Variants in NDST4 observed in about 807,000 individuals in gnomAD.
The protein encoded by NDST4 is N-deacetylase and N-sulfotransferase 4.
In NDST4, 63 loss-of-function variants were observed where a neutral mutation model predicts 100.8. The observed-to-expected ratio is 0.62, with a 90% CI of 0.51 to 0.77. The LOEUF (loss-of-function observed/expected upper bound fraction) is 0.77. NDST4 is among the 30% of genes least tolerant of loss of function. The pLI is 0.00. For synonymous variants in NDST4, 377 were observed against 361.8 expected (o/e 1.04, Z -0.48); for missense variants, 943 against 1,018.4 (o/e 0.93, Z 1.01).
intron 7 of NDST4, among the ~76,000 whole-genome samples, chr4:114,864,928 GTCTA>G (rs1481351805): frequency 6.6e-6 from 1 of 152,106 alleles, no homozygotes. Context: ...TACCCTAAAT[GTCTA>G]TCTATTCTTC....
At chr4:115,021,310 T>C (rs1727811725) in intron 2 of NDST4, among the ~76,000 whole-genome samples, 1 of 151,422 alleles carries the variant, frequency 6.6e-6, no homozygotes, top group Non-Finnish European at 1.5e-5. Flanking sequence ...ATATATATAT[T>C]CCACATATAC....
At chr4:114,943,037 A>T (rs940944820) in intron 4 of NDST4, among the ~76,000 whole-genome samples, 13 of 147,320 alleles carry the variant, frequency 8.8e-5, no homozygotes, top group African/African-American at 2.7e-4. Context: ...AATTTAAATT[A>T]TATTATATGA....
At chr4:114,992,784 G>A (rs1341983461) in intron 2 of NDST4, among the ~76,000 whole-genome samples, 1 of 151,586 alleles carries the variant, frequency 6.6e-6, no homozygotes, top group Admixed American at 6.6e-5. Flanking sequence ...ATTTAGAAAG[G>A]GGTGTTGCTT....
intron 2 of NDST4, among the ~76,000 whole-genome samples, chr4:115,009,224 C>A (rs1727488332): frequency 7.8e-6 from 1 of 128,856 alleles, no homozygotes; most frequent in African/African-American, 2.9e-5. Context: ...TCCGCATCAC[C>A]AAGTCAATCC....
At chr4:114,834,227 G>A (rs1723262363) in intron 11 of NDST4, among the ~76,000 whole-genome samples, 1 of 151,934 alleles carries the variant, frequency 6.6e-6, no homozygotes, top group Admixed American at 6.6e-5. Flanking sequence ...AGGAATACTG[G>A]AAAAGGCCGG....
At chr4:115,038,249 T>A (rs930957451) in intron 2 of NDST4, among the ~76,000 whole-genome samples, 10 of 152,228 alleles carry the variant, frequency 6.6e-5, no homozygotes, top group Non-Finnish European at 1.3e-4. Context: ...TGTTTATTAC[T>A]TTGCTATCCT....
chr4:115,029,867 G>C (rs767473763), intron 2 of NDST4, among the ~76,000 whole-genome samples: 3 of 152,090 alleles, frequency 2.0e-5, no homozygotes, highest in African/African-American at 7.2e-5. Flanking sequence ...TTTGCAGAAA[G>C]GTTGACTGTG....
chr4:115,032,055 T>C (rs999424344), intron 2 of NDST4, among the ~76,000 whole-genome samples: 1 of 152,096 alleles, frequency 6.6e-6, no homozygotes, highest in Non-Finnish European at 1.5e-5. Context: ...GTTCTATCTA[T>C]CATAAAATTA....
In NDST4 at chr4:114,827,936, C is replaced by G; in HGVS notation, c.2500-1G>C. The G allele has an allele frequency of 6.3e-7, 1 of 1,581,968 alleles. No homozygotes were observed. The highest frequency in any genetic ancestry group is 8.5e-7 in the Non-Finnish European group (1 of 1,170,740). On this transcript the variant is annotated splice_acceptor_variant, in intron 13 of 13. Coordinates refer to ENST00000264363, the MANE Select transcript of NDST4 (RefSeq NM_022569.3). LOFTEE classifies it high-confidence loss of function. ...AGTAATTAGAGAGGAACGTTCTAGA[C>G]TGGAAAGAAAAAAAGAAGAACTTGA...
At chr4:115,036,132 G>GT (rs894048829) in intron 2 of NDST4, among the ~76,000 whole-genome samples, 16 of 151,598 alleles carry the variant, frequency 1.1e-4, no homozygotes, top group Admixed American at 2.0e-4. Context: ...TTTTTTATGT[G>GT]TTTTTTTATA....
In NDST4 at chr4:114,981,809, A is replaced by G. The variant is rs574231423; in HGVS notation, c.979-4535T>C. On this transcript the variant is annotated intron_variant, in intron 2 of 13. Transcript: ENST00000264363. ...AATGTACCTAATAAGTCATGTGCAT[A>G]TTCACATTTTGATATAGTCTTTGAT... is the stretch of plus-strand genomic sequence containing the variant. Among the ~76,000 whole-genome samples the G allele has an allele frequency of 4.6e-5, 7 of 152,282 alleles. No individual in the cohort carries two copies. In the East Asian group the frequency reaches 1.4e-3, roughly 29 times the overall value.
At chr4:114,926,509 T>C (rs1489146929) in intron 6 of NDST4, among the ~76,000 whole-genome samples, 1 of 151,932 alleles carries the variant, frequency 6.6e-6, no homozygotes, top group Admixed American at 6.6e-5. Context: ...TGTGTCAAAC[T>C]ATGAAAACAG....
rs1219147120 is a variant in NDST4 at position 115,077,191 on chromosome 4, A to G, written c.-155T>C. On this transcript the variant is annotated 5_prime_UTR_variant, in exon 2 of 14. Coordinates refer to ENST00000264363, the MANE Select transcript of NDST4 (RefSeq NM_022569.3). ...TTTGAAGGGAGCACAACTGAGTTAAAGCTGGAAGGCAATAGATGGGAAGGA... is the reference window on the plus strand; with the variant it reads ...TTTGAAGGGAGCACAACTGAGTTAAGGCTGGAAGGCAATAGATGGGAAGGA... 2 of 687,940 alleles carry G rather than the reference A, an allele frequency of 2.9e-6. No individual in the cohort carries two copies. The highest frequency in any genetic ancestry group is 4.7e-6 in the Non-Finnish European group (2 of 423,760). The allele number at this position is 687,940 out of a possible 1,614,324, so 42.6% of individuals were successfully genotyped here. A position where few individuals can be genotyped will look rare whatever the true frequency, so the allele number is the denominator to read the frequency against.
rs144322799 is a variant in NDST4, at chr4:115,109,436, A to G, written c.-247+4008T>C. Reference sequence around the variant, plus strand: ...AAGCATGTGGCCGCACATAAAACTCATGTGTTTATTAGCTTGCTAAAGTTG... The same window carrying G: ...AAGCATGTGGCCGCACATAAAACTCGTGTGTTTATTAGCTTGCTAAAGTTG... On this transcript the variant is annotated intron_variant, in intron 1 of 13. Transcript: ENST00000264363. Among the ~76,000 whole-genome samples the G allele has an allele frequency of 2.9e-4, 44 of 152,054 alleles. No individual in the cohort carries two copies. In the East Asian group the frequency reaches 6.6e-3, roughly 23 times the overall value.
chr4:114,861,592 C>T (rs1723918864), intron 7 of NDST4, among the ~76,000 whole-genome samples: 1 of 152,056 alleles, frequency 6.6e-6, no homozygotes, highest in Non-Finnish European at 1.5e-5. Context: ...GACTGTCTGT[C>T]CACAAGATAA....
chr4:115,022,663 G>A (rs1308830501), intron 2 of NDST4, among the ~76,000 whole-genome samples: 4 of 152,130 alleles, frequency 2.6e-5, no homozygotes, highest in South Asian at 2.1e-4. Flanking sequence ...GTCCCCACCC[G>A]AATCTCATCT....
At chr4:114,902,234 T>C (rs1724856773) in intron 6 of NDST4, among the ~76,000 whole-genome samples, 1 of 152,000 alleles carries the variant, frequency 6.6e-6, no homozygotes, top group South Asian at 2.1e-4. Flanking sequence ...TCCTTCTGTT[T>C]AAAAAAATTT....
chr4:115,056,985 G>C (rs868093997), intron 2 of NDST4, among the ~76,000 whole-genome samples: 68 of 151,888 alleles, frequency 4.5e-4, no homozygotes, highest in Admixed American at 1.2e-3. Flanking sequence ...TTTTCACTTT[G>C]TTGGATTTTT....
intron 6 of NDST4, among the ~76,000 whole-genome samples, chr4:114,899,678 T>C (rs1460723510): frequency 6.6e-6 from 1 of 152,190 alleles, no homozygotes; most frequent in East Asian, 1.9e-4. Context: ...CATTGCATAC[T>C]TGAAATAAAT....
Sources: gnomAD v4.1 joint callset for allele counts (sites outside exome capture counted in the v4.1 genomes callset) on GRCh38, gnomAD v4.1.1 for gene constraint, MANE v1.5 for transcripts, NCBI Gene and HGNC (gene_info 2026-07-23, HGNC 2026-07-21) for gene names.